MGA: variants seen among roughly 807,000 people sequenced by gnomAD.
MGA encodes the protein MAX gene-associated protein.
Under a neutral mutation model 261.1 loss-of-function variants are expected in MGA, and 40 were observed. The ratio of observed to expected loss-of-function variants is 0.15; its 90% CI spans 0.12 to 0.20. The LOEUF is 0.20. Among genes scored for constraint, MGA ranks in the 10% least tolerant of loss-of-function variants. The pLI, the probability that MGA is intolerant of heterozygous loss-of-function variation, is 1.00. For synonymous variants in MGA, 1,302 were observed against 1,290.6 expected, an observed-to-expected ratio of 1.01 and a Z score of -0.19; for missense variants, 3,397 against 3,630.5, an observed-to-expected ratio of 0.94 and a Z score of 1.65.
intron 23 of MGA, 119 bp downstream of exon 23, chr15:41,765,181 GC>G (rs1374622428): frequency 1.6e-6 from 2 of 1,213,704 alleles, no homozygotes; most frequent in Non-Finnish European, 2.4e-6. Flanking sequence ...GTTGGCATTT[GC>G]CTTGGTAAGA....
chr15:41,693,013 A>G (rs2059366779), intron 2 of MGA, among the ~76,000 whole-genome samples: 2 of 152,040 alleles, frequency 1.3e-5, no homozygotes, highest in South Asian at 4.2e-4. Flanking sequence ...TTTAAAAAAT[A>G]TTTTAGTACA....
Position 41,710,490 on chromosome 15 carries a change from C to T in MGA, c.2426-201C>T, listed in dbSNP as rs544672194. Among the ~76,000 whole-genome samples, 3 of 152,222 alleles carry T rather than the reference C, an allele frequency of 2.0e-5. No homozygotes were observed. In the East Asian group the frequency reaches 5.8e-4, roughly 29 times the overall value. On this transcript the variant is annotated intron_variant, in intron 7 of 23. Transcript: ENST00000219905. ...TTACGTTACTTAGGCTGGTCTTGAACTCCTAGCCTGTAGCGATCGTTTTGC... is the reference window on the plus strand; with the variant it reads ...TTACGTTACTTAGGCTGGTCTTGAATTCCTAGCCTGTAGCGATCGTTTTGC...
intron 7 of MGA, among the ~76,000 whole-genome samples, chr15:41,710,406 T>C (rs1214783228): frequency 2.0e-5 from 3 of 152,164 alleles, no homozygotes; most frequent in Non-Finnish European, 2.9e-5. Context: ...GAGGGATAGT[T>C]TGTTTATTAA....
At chr15:41,695,935 T>G in intron 2 of MGA, 140 bp from the exon 3 acceptor site, 1 of 626,724 alleles carries the variant, frequency 1.6e-6, no homozygotes, top group Non-Finnish European at 2.7e-6. Flanking sequence ...ATTTTTAGAG[T>G]TTTTGAGTGT....
In MGA at chr15:41,765,070, G is replaced by GTT; in HGVS notation, c.7921+9_7921+10insTT. On this transcript the variant is annotated intron_variant, in intron 23 of 23. Coordinates refer to ENST00000219905, the MANE Select transcript of MGA (RefSeq NM_001164273.2). Reference sequence around the variant, plus strand: ...GTGCTGTGGCTCTACCAGGTATGTTGTAAGTGTTGTCCTCTATGGGAAGTG... The same window carrying GTT: ...GTGCTGTGGCTCTACCAGGTATGTTGTTTAAGTGTTGTCCTCTATGGGAAGTG... 3.1e-6 allele frequency: 5 copies of GTT among 1,613,670 alleles called. No homozygotes were observed. The highest frequency in any genetic ancestry group is 4.2e-6 in the Non-Finnish European group (5 of 1,179,606).
At chr15:41,744,845 A>T (rs1256892869) in intron 15 of MGA, among the ~76,000 whole-genome samples, 1 of 152,070 alleles carries the variant, frequency 6.6e-6, no homozygotes, top group Non-Finnish European at 1.5e-5. Context: ...ATTTTAATCA[A>T]CTGCTTTTTT....
At chr15:41,679,415 C>A (rs973463205) in intron 2 of MGA, among the ~76,000 whole-genome samples, 1 of 152,170 alleles carries the variant, frequency 6.6e-6, no homozygotes, top group Non-Finnish European at 1.5e-5. Flanking sequence ...TCGTTCAACA[C>A]TTTGGGTTGT....
chr15:41,752,549 G>GC (rs747675374), intron 17 of MGA, among the ~76,000 whole-genome samples: 8 of 102,146 alleles, frequency 7.8e-5, no homozygotes, highest in African/African-American at 3.0e-4. Flanking sequence ...AACCTTTAAA[G>GC]TTTTTTTTTT....
chr15:41,676,666 T>C (rs962157125), intron 2 of MGA, among the ~76,000 whole-genome samples: 1 of 152,170 alleles, frequency 6.6e-6, no homozygotes, highest in African/African-American at 2.4e-5. Flanking sequence ...ATTGTTTTAG[T>C]TTTTTTAGCC....
intron 1 of MGA, among the ~76,000 whole-genome samples, chr15:41,638,109 C>G (rs996239284): frequency 1.7e-5 from 2 of 117,612 alleles, no homozygotes; most frequent in African/African-American, 6.6e-5. Context: ...GTGGTGAGAT[C>G]TCGGCTCATT....
intron 2 of MGA, chr15:41,691,766 A>G (rs188089265): frequency 2.4e-5 from 6 of 253,764 alleles, no homozygotes; most frequent in African/African-American, 4.5e-5. Flanking sequence ...CATAGTTTCC[A>G]TTGAGTCACT....
chr15:41,768,173 A>C lies in MGA; in HGVS notation c.*893A>C, dbSNP rs898663664. 6.6e-6 allele frequency: 1 copy of C among 152,618 alleles called. No individual in the cohort carries two copies. Among genetic ancestry groups the C allele is most frequent in the African/African-American group, 2.4e-5 (1 of 41,434 alleles). The allele number at this position is 152,618 out of a possible 1,614,324, so 9.5% of individuals were successfully genotyped here. A position where few individuals can be genotyped will look rare whatever the true frequency, so the allele number is the denominator to read the frequency against. On this transcript the variant is annotated 3_prime_UTR_variant, in exon 24 of 24. Coordinates refer to ENST00000219905, the MANE Select transcript of MGA (RefSeq NM_001164273.2). ...AAATCATGGGGCTGGAAATTTCCCA[A>C]ATCAAACCAGCCTCCTGGTGCTTGA...
At chr15:41,703,885 A>G (rs2059979000) in intron 5 of MGA, among the ~76,000 whole-genome samples, 1 of 152,230 alleles carries the variant, frequency 6.6e-6, no homozygotes, top group African/African-American at 2.4e-5. Flanking sequence ...AACATGGCTC[A>G]CTGCAGTCTC....
chr15:41,678,169 C>A (rs1416942640), intron 2 of MGA, among the ~76,000 whole-genome samples: 1 of 151,130 alleles, frequency 6.6e-6, no homozygotes, highest in Middle Eastern at 3.4e-3. Flanking sequence ...CGACTCACTG[C>A]AACCTGTGCC....
intron 19 of MGA, among the ~76,000 whole-genome samples, chr15:41,758,535 A>G (rs2063272865): frequency 6.6e-6 from 1 of 152,186 alleles, no homozygotes; most frequent in Non-Finnish European, 1.5e-5. Context: ...TGCATATATC[A>G]TTATATTTGG....
chr15:41,696,317 C>G lies in MGA; in HGVS notation c.1307C>G (p.Pro436Arg), dbSNP rs1287878437. Reference sequence around the variant, plus strand: ...AAGAGGCACAATAAAGTTGACAACCCAGAAGCTGACCATCTATCTTCTAAA... The same window carrying G: ...AAGAGGCACAATAAAGTTGACAACCGAGAAGCTGACCATCTATCTTCTAAA... The change falls in exon 3 of 24, where the codon CCA (proline) becomes CGA (arginine). Residue 436 changes from proline (P) to arginine (R), a missense_variant. Coordinates refer to ENST00000219905, the MANE Select transcript of MGA (RefSeq NM_001164273.2). 1 of 1,613,898 alleles carries G rather than the reference C, an allele frequency of 6.2e-7. No individual in the cohort carries two copies. Among genetic ancestry groups the G allele is most frequent in the South Asian group, 1.1e-5 (1 of 91,076 alleles).
At chr15:41,761,893 C>T (rs1406676395) in intron 21 of MGA, 43 bp downstream of exon 21, 1 of 1,375,214 alleles carries the variant, frequency 7.3e-7, no homozygotes, top group Admixed American at 2.2e-5. Context: ...ATAATTATAG[C>T]TTTATCAAGA....
intron 1 of MGA, among the ~76,000 whole-genome samples, chr15:41,641,490 T>G (rs1378519926): frequency 6.8e-6 from 1 of 146,526 alleles, no homozygotes; most frequent in Non-Finnish European, 1.5e-5. Context: ...CCTAACACTT[T>G]TTTTTTTTTT....
chr15:41,632,783 G>GA (rs57577596), intron 1 of MGA, among the ~76,000 whole-genome samples: 11 of 146,934 alleles, frequency 7.5e-5, no homozygotes, highest in East Asian at 4.0e-4. Flanking sequence ...AGGAGATAGG[G>GA]AAAAAAAAAA....
Sources: gnomAD v4.1 joint callset for allele counts (sites outside exome capture counted in the v4.1 genomes callset) on GRCh38, gnomAD v4.1.1 for gene constraint, MANE v1.5 for transcripts, NCBI Gene and HGNC (gene_info 2026-07-23, HGNC 2026-07-21) for gene names.